C10orf90: variants seen among roughly 807,000 people sequenced by gnomAD.
The protein encoded by C10orf90 is (E2-independent) E3 ubiquitin-conjugating enzyme FATS.
C10orf90 carries 56 observed loss-of-function variants against 62.5 expected under a neutral mutation model. The observed-to-expected ratio is 0.90, with a 90% CI of 0.72 to 1.12. C10orf90 has a LOEUF of 1.12. Ranked by LOEUF, C10orf90 falls within the 50% of genes most tolerant of loss-of-function variation. The pLI, the probability that C10orf90 is intolerant of heterozygous loss-of-function variation, is 0.00. For missense variants in C10orf90, 970 were observed against 880.4 expected (o/e 1.10, Z -1.29); for synonymous variants, 386 against 340.4 (o/e 1.13, Z -1.47).
chr10:126,625,070 G>A (rs1162952528), intron 2 of C10orf90, among the ~76,000 whole-genome samples: 1 of 152,182 alleles, frequency 6.6e-6, no homozygotes, highest in Non-Finnish European at 1.5e-5. Context: ...GGGAGCTGAG[G>A]GTGCTGAAGA....
rs373678471 is a variant in C10orf90, at chr10:126,604,041, G to T, written c.313+42524C>A. Among the ~76,000 whole-genome samples, 8 of 152,330 alleles carry T rather than the reference G, an allele frequency of 5.3e-5. No individual in the cohort carries two copies. The South Asian group carries it at 1.2e-3, about 24-fold the overall frequency. On this transcript the variant is annotated intron_variant, in intron 2 of 9. Transcript: ENST00000488181. ...AGGTGGGACAAGCTTGAGCGGAAGG[G>T]ATGGTTGTGTTCACTGAACCCAAAG... is the stretch of plus-strand genomic sequence containing the variant.
At chr10:126,637,877 G>A (rs1845983145) in intron 2 of C10orf90, among the ~76,000 whole-genome samples, 1 of 152,188 alleles carries the variant, frequency 6.6e-6, no homozygotes, top group Non-Finnish European at 1.5e-5. Context: ...AGGTCATTCT[G>A]GCTGTAGATG....
chr10:126,605,316 C>T (rs928686799), intron 2 of C10orf90, among the ~76,000 whole-genome samples: 5 of 152,190 alleles, frequency 3.3e-5, no homozygotes, highest in African/African-American at 7.2e-5. Flanking sequence ...CTCCCGACCC[C>T]AATGCAAGCA....
At chr10:126,555,113 C>A (rs548450780) in intron 2 of C10orf90, among the ~76,000 whole-genome samples, 2 of 152,174 alleles carry the variant, frequency 1.3e-5, no homozygotes, top group African/African-American at 4.8e-5. Flanking sequence ...CTCCACCTTA[C>A]AATCAGCAAG....
intron 2 of C10orf90, among the ~76,000 whole-genome samples, chr10:126,587,069 T>C (rs949535730): frequency 2.6e-5 from 4 of 152,218 alleles, no homozygotes; most frequent in Admixed American, 1.3e-4. Context: ...GGGCTGGCTC[T>C]GAGGTTTCAT....
chr10:126,593,420 G>A (rs907924550), intron 2 of C10orf90, among the ~76,000 whole-genome samples: 3 of 152,182 alleles, frequency 2.0e-5, no homozygotes, highest in Non-Finnish European at 2.9e-5. Context: ...GTTATTCTCA[G>A]CAAACTAACA....
At chr10:126,446,796 A>G (rs1371214414) in intron 7 of C10orf90, among the ~76,000 whole-genome samples, 1 of 151,940 alleles carries the variant, frequency 6.6e-6, no homozygotes, top group Non-Finnish European at 1.5e-5. Context: ...GTTAAGTGAC[A>G]AAACTATTTA....
chr10:126,527,076 T>C (rs1863972637), intron 2 of C10orf90, among the ~76,000 whole-genome samples: 2 of 145,704 alleles, frequency 1.4e-5, no homozygotes, highest in South Asian at 4.6e-4. Flanking sequence ...ATACATAACC[T>C]AGGAGTGGAA....
intron 7 of C10orf90, among the ~76,000 whole-genome samples, chr10:126,447,626 T>C (rs1181510802): frequency 3.3e-5 from 5 of 152,150 alleles, no homozygotes; most frequent in Non-Finnish European, 7.4e-5. Context: ...ACAGATCATC[T>C]TGAAGGAAAT....
chr10:126,578,670 G>A (rs548489593), intron 2 of C10orf90, among the ~76,000 whole-genome samples: 17 of 152,226 alleles, frequency 1.1e-4, no homozygotes, highest in Non-Finnish European at 2.2e-4. Context: ...GTACATCACA[G>A]CTGTGTTCAT....
chr10:126,586,114 C>T (rs1437974759), intron 2 of C10orf90, among the ~76,000 whole-genome samples: 1 of 152,200 alleles, frequency 6.6e-6, no homozygotes, highest in Non-Finnish European at 1.5e-5. Flanking sequence ...TAATTCCATG[C>T]TTTTGGCTTT....
rs988408678 is a variant in C10orf90 at position 126,425,404 on chromosome 10, T to C, written c.*460A>G. 1.2e-5 allele frequency: 2 copies of C among 172,880 alleles called. No individual in the cohort carries two copies. The highest frequency in any genetic ancestry group is 2.5e-5 in the Non-Finnish European group (2 of 81,260). 10.7% of individuals were successfully genotyped at this position (172,880 alleles called of 1,614,324 possible). On this transcript the variant is annotated 3_prime_UTR_variant, in exon 10 of 10. Coordinates refer to ENST00000488181, the MANE Select transcript of C10orf90 (RefSeq NM_001350921.2). ...TCAGAAAGGTTTCAAATATACTATA[T>C]GATGACCCACATTTTGGCATTTGCA... is the stretch of plus-strand genomic sequence containing the variant.
chr10:126,637,966 G>C (rs1316189045), intron 2 of C10orf90, among the ~76,000 whole-genome samples: 1 of 152,148 alleles, frequency 6.6e-6, no homozygotes, highest in Non-Finnish European at 1.5e-5. Flanking sequence ...AGAAGAGGCT[G>C]GGCCCCAAAG....
At chr10:126,495,522 A>G (rs577502403) in intron 4 of C10orf90, among the ~76,000 whole-genome samples, 10 of 152,250 alleles carry the variant, frequency 6.6e-5, no homozygotes, top group Non-Finnish European at 1.2e-4. Context: ...TGATAGCAGT[A>G]TGAAAAATAT....
intron 2 of C10orf90, among the ~76,000 whole-genome samples, chr10:126,564,821 A>ACT (rs201641432): frequency 0.28 from 3,617 of 12,944 alleles, 1,035 homozygotes; most frequent in South Asian, 0.48. Flanking sequence ...TAGGAATAAG[A>ACT]CTCTCTCTCT....
At chr10:126,488,706 C>T (rs1438657784) in intron 4 of C10orf90, among the ~76,000 whole-genome samples, 1 of 152,052 alleles carries the variant, frequency 6.6e-6, no homozygotes, top group African/African-American at 2.4e-5. Context: ...TAGAAAAACA[C>T]TATGAACTTT....
intron 2 of C10orf90, among the ~76,000 whole-genome samples, chr10:126,526,023 A>AACACACACAC (rs3040780): frequency 0.034 from 4,785 of 138,942 alleles, 112 homozygotes; most frequent in Non-Finnish European, 0.043. Context: ...CACCTGCCAC[A>AACACACACAC]ACACACACAC....
intron 2 of C10orf90, among the ~76,000 whole-genome samples, chr10:126,593,388 G>C (rs908131948): frequency 6.6e-6 from 1 of 152,184 alleles, no homozygotes; most frequent in African/African-American, 2.4e-5. Flanking sequence ...CCTTTGCAGG[G>C]ACATGGATGG....
At chr10:126,638,563 C>A (rs1219775437) in intron 2 of C10orf90, among the ~76,000 whole-genome samples, 1 of 152,262 alleles carries the variant, frequency 6.6e-6, no homozygotes, top group African/African-American at 2.4e-5. Context: ...TCTCTCTCCC[C>A]CTGCCAGGCC....
Sources: gnomAD v4.1 joint callset for allele counts (sites outside exome capture counted in the v4.1 genomes callset) on GRCh38, gnomAD v4.1.1 for gene constraint, MANE v1.5 for transcripts, NCBI Gene and HGNC (gene_info 2026-07-23, HGNC 2026-07-21) for gene names.